HLCS: variants seen among roughly 807,000 people sequenced by gnomAD.
HLCS encodes holocarboxylase synthetase.
Under a neutral mutation model 75.0 loss-of-function variants are expected in HLCS, and 53 were observed. That is an observed-to-expected ratio of 0.71 (90% CI 0.57 to 0.89). The LOEUF is 0.89. Ranked by LOEUF, HLCS falls within the 40% of genes least tolerant of loss-of-function variation. The pLI is 0.00. For missense variants in HLCS, 966 were observed against 1,074.0 expected (o/e 0.90, Z 1.41); for synonymous variants, 431 against 428.6 (o/e 1.01, Z -0.07).
At chr21:36,947,854 T>C in intron 2 of HLCS, 1 of 985,436 alleles carries the variant, frequency 1.0e-6, no homozygotes, top group Non-Finnish European at 1.2e-6. Context: ...AACCCACTGG[T>C]ACCCAGAGTC....
chr21:36,754,724 G>A lies in HLCS; in HGVS notation c.2451-307C>T, dbSNP rs144368317. ...TGGAACCACTTCCTCACCTCCCAGC[G>A]CTTTTAAGAAACACTGTGCAACTCT... is the stretch of plus-strand genomic sequence containing the variant. On this transcript the variant is annotated intron_variant, in intron 10 of 10. Coordinates refer to ENST00000674895, the MANE Select transcript of HLCS (RefSeq NM_001352514.2). 5.9e-5 allele frequency among the ~76,000 whole-genome samples: 9 copies of A among 152,262 alleles called. No individual in the cohort carries two copies. The East Asian group carries it at 7.7e-4, about 13-fold the overall frequency.
chr21:36,758,443 ACT>A (rs1365045436), intron 9 of HLCS, among the ~76,000 whole-genome samples: 1 of 151,778 alleles, frequency 6.6e-6, no homozygotes, highest in Non-Finnish European at 1.5e-5. Flanking sequence ...ACAGGGTCTC[ACT>A]CTGTCATCCA....
At chr21:36,819,518 T>G (rs928612367) in intron 6 of HLCS, among the ~76,000 whole-genome samples, 1 of 152,228 alleles carries the variant, frequency 6.6e-6, no homozygotes, top group African/African-American at 2.4e-5. Context: ...CTATAAACAG[T>G]GTTATCAGTC....
At chr21:36,884,201 A>G (rs766540414) in intron 6 of HLCS, among the ~76,000 whole-genome samples, 4 of 152,208 alleles carry the variant, frequency 2.6e-5, no homozygotes, top group Admixed American at 6.5e-5. Context: ...CTTCAGCCAA[A>G]TCCTTTTCCG....
chr21:36,803,313 C>T (rs2061264447), intron 6 of HLCS, among the ~76,000 whole-genome samples: 1 of 152,214 alleles, frequency 6.6e-6, no homozygotes, highest in African/African-American at 2.4e-5. Context: ...GCTTCCTTCT[C>T]CATGGTCTCT....
intron 8 of HLCS, among the ~76,000 whole-genome samples, chr21:36,763,691 TG>T (rs1412999588): frequency 6.6e-6 from 1 of 152,154 alleles, no homozygotes; most frequent in Non-Finnish European, 1.5e-5. Context: ...TAGGAGCTGC[TG>T]GGGGAGGGAG....
intron 6 of HLCS, among the ~76,000 whole-genome samples, chr21:36,893,450 C>T (rs1242389855): frequency 6.6e-6 from 1 of 152,172 alleles, no homozygotes; most frequent in Non-Finnish European, 1.5e-5. Flanking sequence ...GAATTCTACA[C>T]ACTGGTATAA....
chr21:36,903,142 C>T (rs1435251781), intron 5 of HLCS, among the ~76,000 whole-genome samples: 3 of 152,056 alleles, frequency 2.0e-5, no homozygotes, highest in Non-Finnish European at 2.9e-5. Context: ...AAATGAGCTA[C>T]CAAAAGCTAC....
At position 36,766,444 on chromosome 21, in the gene HLCS, T is replaced by C. The variant is rs544823854; in HGVS notation, c.1960+774A>G. On this transcript the variant is annotated intron_variant, in intron 7 of 10. Coordinates refer to ENST00000674895, the MANE Select transcript of HLCS (RefSeq NM_001352514.2). ...AAAAAAATCCACATATTGAGATCCA[T>C]AGCTTTTGACAAAAACATTTTTTTT... Among the ~76,000 whole-genome samples the C allele has an allele frequency of 4.6e-5, 7 of 152,304 alleles. No individual in the cohort carries two copies. In the East Asian group the frequency reaches 1.3e-3, roughly 29 times the overall value.
chr21:36,868,479 T>A (rs189328440), intron 6 of HLCS, among the ~76,000 whole-genome samples: 4 of 152,134 alleles, frequency 2.6e-5, no homozygotes, highest in Non-Finnish European at 4.4e-5. Context: ...AGAAAATATA[T>A]CCATGTATTA....
intron 9 of HLCS, among the ~76,000 whole-genome samples, chr21:36,757,559 C>T (rs1219397050): frequency 3.9e-5 from 6 of 152,188 alleles, no homozygotes; most frequent in Non-Finnish European, 8.8e-5. Context: ...AGTAAGAAAA[C>T]TACCATGTTT....
At chr21:36,888,442 AAAAATATATATATAT>A (rs1283495564) in intron 6 of HLCS, among the ~76,000 whole-genome samples, 376 of 31,528 alleles carry the variant, frequency 0.012, 11 homozygotes, top group African/African-American at 0.04. Flanking sequence ...TAAAAAAAAA[AAAAATATATATATAT>A]ATATATATAT....
chr21:36,965,000 T>C (rs1680070045), intron 1 of HLCS, among the ~76,000 whole-genome samples: 1 of 152,188 alleles, frequency 6.6e-6, no homozygotes, highest in Admixed American at 6.5e-5. Context: ...CCCTTTTGTC[T>C]GGGTAGTGTC....
At chr21:36,955,820 G>C (rs189295602) in intron 2 of HLCS, among the ~76,000 whole-genome samples, 1 of 152,260 alleles carries the variant, frequency 6.6e-6, no homozygotes, top group East Asian at 1.9e-4. Flanking sequence ...TTCATAGCAA[G>C]TGCCCTAGAC....
intron 1 of HLCS, among the ~76,000 whole-genome samples, chr21:36,978,210 T>A (rs2068995858): frequency 6.6e-6 from 1 of 152,154 alleles, no homozygotes; most frequent in Non-Finnish European, 1.5e-5. Context: ...AAACTAAGAA[T>A]AGGGGCCAAA....
intron 6 of HLCS, among the ~76,000 whole-genome samples, chr21:36,879,915 GAA>G (rs11323079): frequency 0.012 from 1,451 of 120,906 alleles, 17 homozygotes; most frequent in African/African-American, 0.033. Context: ...ATCTCTTAAA[GAA>G]AAAAAAAAAA....
rs991895398 is a variant in HLCS, at chr21:36,750,412, A to G, written c.*3834T>C. Among the ~76,000 whole-genome samples the G allele has an allele frequency of 4.2e-4, 64 of 152,306 alleles. No homozygotes were observed. Among genetic ancestry groups the G allele is most frequent in the African/African-American group, 1.5e-3 (62 of 41,578 alleles). ...AGCCATTCCATTCATACCTTTGTAG[A>G]GCAGTGGGCTGGGTGTGGAGGGCAG... is the stretch of plus-strand genomic sequence containing the variant. On this transcript the variant is annotated 3_prime_UTR_variant, in exon 11 of 11. Transcript: ENST00000674895.
chr21:36,974,364 G>C (rs2146719304), intron 1 of HLCS: 1 of 152,436 alleles, frequency 6.6e-6, no homozygotes, highest in Non-Finnish European at 1.5e-5. Context: ...GAGGCGGCAG[G>C]AGGCAAGGGT....
In HLCS at chr21:36,814,022, G is replaced by T. The variant is rs559530101; in HGVS notation, c.1893-46737C>A. Among the ~76,000 whole-genome samples, 6 of 152,274 alleles carry T rather than the reference G, an allele frequency of 3.9e-5. No individual in the cohort carries two copies. In the South Asian group the frequency reaches 1.2e-3, roughly 32 times the overall value. ...CACCTGGTGGAAAAATGTGCCCCCA[G>T]TGCTAGGTCAGTGTGGGTTTCCCAG... On this transcript the variant is annotated intron_variant, in intron 6 of 10. Coordinates refer to ENST00000674895, the MANE Select transcript of HLCS (RefSeq NM_001352514.2).
Sources: gnomAD v4.1 joint callset for allele counts (sites outside exome capture counted in the v4.1 genomes callset) on GRCh38, gnomAD v4.1.1 for gene constraint, MANE v1.5 for transcripts, NCBI Gene and HGNC (gene_info 2026-07-23, HGNC 2026-07-21) for gene names.